FAM184A: variants seen among roughly 807,000 people sequenced by gnomAD.
FAM184A encodes the protein family with sequence similarity 184 member A.
FAM184A carries 99 observed loss-of-function variants against 143.8 expected under a neutral mutation model. That is an observed-to-expected ratio of 0.69 (90% CI 0.58 to 0.81). The LOEUF is 0.81. Ranked by LOEUF, FAM184A falls within the 40% of genes least tolerant of loss-of-function variation. FAM184A has a pLI of 0.00. For synonymous variants in FAM184A, 427 were observed against 446.4 expected (o/e 0.96, Z 0.55); for missense variants, 1,217 against 1,310.5 (o/e 0.93, Z 1.10).
intron 14 of FAM184A, among the ~76,000 whole-genome samples, chr6:118,972,654 C>G (rs1783730751): frequency 2.0e-5 from 3 of 152,136 alleles, no homozygotes; most frequent in Admixed American, 2.0e-4. Context: ...ACTGAAGATT[C>G]ATAATGTGCA....
intron 1 of FAM184A, among the ~76,000 whole-genome samples, chr6:119,103,786 G>A (rs9320677): frequency 0.63 from 95,987 of 151,294 alleles, 31,104 homozygotes; most frequent in East Asian, 0.96. Flanking sequence ...AATTAGCCAG[G>A]CATGGTGGCA....
chr6:119,094,782 G>A (rs775053428), intron 1 of FAM184A, among the ~76,000 whole-genome samples: 19 of 152,106 alleles, frequency 1.2e-4, no homozygotes, highest in Non-Finnish European at 2.5e-4. Context: ...AAAAAAGGAG[G>A]GGATGTTATT....
At chr6:119,110,563 T>C (rs1300382537) in intron 1 of FAM184A, among the ~76,000 whole-genome samples, 3 of 151,964 alleles carry the variant, frequency 2.0e-5, no homozygotes. Context: ...GATAGACAAC[T>C]AGCAGGGTCT....
Position 119,006,591 on chromosome 6 carries a change from A to G in FAM184A, c.1671T>C (p.Asp557=), listed in dbSNP as rs996985529. ...GACCTTGTTCACTTTTCCTTACCATATCTTGGAGGTGGCCAATCTGTAAGT... is the reference window on the plus strand; with the variant it reads ...GACCTTGTTCACTTTTCCTTACCATGTCTTGGAGGTGGCCAATCTGTAAGT... ...TANQEIGHLQ[D]MVRKSEQGLG... is the part of the protein sequence containing the mutation. Residue 557 remains aspartate (D), a synonymous_variant, in exon 7 of 18, where the codon GAT becomes GAC. Transcript: ENST00000338891. The G allele has an allele frequency of 5.0e-6, 8 of 1,612,052 alleles. No homozygotes were observed. Among genetic ancestry groups the G allele is most frequent in the Non-Finnish European group, 5.9e-6 (7 of 1,179,218 alleles).
intron 1 of FAM184A, among the ~76,000 whole-genome samples, chr6:119,053,818 A>G (rs1786854963): frequency 6.6e-6 from 1 of 152,234 alleles, no homozygotes; most frequent in Admixed American, 6.5e-5. Context: ...TGTTTTTAAG[A>G]ATTCTGAAAC....
intron 1 of FAM184A, among the ~76,000 whole-genome samples, chr6:119,100,465 G>A (rs556889826): frequency 5.1e-4 from 77 of 152,216 alleles, no homozygotes; most frequent in Admixed American, 2.2e-3. Flanking sequence ...TTAACTCCCT[G>A]AGAGCTCTCA....
intron 1 of FAM184A, among the ~76,000 whole-genome samples, chr6:119,142,176 C>T (rs987674065): frequency 2.0e-5 from 3 of 152,092 alleles, no homozygotes; most frequent in Non-Finnish European, 4.4e-5. Flanking sequence ...AGGACTCGGG[C>T]GAACATCTGA....
intron 1 of FAM184A, among the ~76,000 whole-genome samples, chr6:119,089,836 G>A (rs1788324366): frequency 6.6e-6 from 1 of 152,094 alleles, no homozygotes; most frequent in Non-Finnish European, 1.5e-5. Context: ...CTTGCTATGT[G>A]CTTCTTTCTC....
At position 119,078,579 on chromosome 6, in the gene FAM184A, C is replaced by A; in HGVS notation, c.-280G>T. On this transcript the variant is annotated 5_prime_UTR_variant, in exon 1 of 18. Transcript: ENST00000338891. The surrounding 1 kb of genome is among the most constrained non-coding windows in gnomAD (Gnocchi z 5.5). Reference sequence around the variant, plus strand: ...GGGGCCGGGCCAGCTCTTGGAGGCTCCTCGGCCCGCGCCTGGCGGAGGCGT... The same window carrying A: ...GGGGCCGGGCCAGCTCTTGGAGGCTACTCGGCCCGCGCCTGGCGGAGGCGT... The A allele has an allele frequency of 3.9e-6, 1 of 256,188 alleles. No homozygotes were observed. Among genetic ancestry groups the A allele is most frequent in the Non-Finnish European group, 7.4e-6 (1 of 135,484 alleles). 15.9% of individuals were successfully genotyped at this position (256,188 alleles called of 1,614,324 possible).
At chr6:119,007,252 T>G (rs989889368) in intron 6 of FAM184A, among the ~76,000 whole-genome samples, 1 of 152,168 alleles carries the variant, frequency 6.6e-6, no homozygotes, top group Non-Finnish European at 1.5e-5. Context: ...TTTAGGACAA[T>G]GCTATAAAGT....
chr6:119,026,902 T>A (rs1785653282), intron 1 of FAM184A, among the ~76,000 whole-genome samples: 2 of 152,162 alleles, frequency 1.3e-5, no homozygotes, highest in Admixed American at 1.3e-4. Flanking sequence ...CTGTAGAGAA[T>A]CTCCTTCCCA....
intron 7 of FAM184A, 77 bp from the exon 8 acceptor site, chr6:119,003,699 C>T: frequency 7.2e-7 from 1 of 1,388,786 alleles, no homozygotes; most frequent in Non-Finnish European, 9.5e-7. Context: ...AAGTAAAGTG[C>T]TTGTATTAAA....
intron 1 of FAM184A, among the ~76,000 whole-genome samples, chr6:119,099,817 A>G (rs2114832553): frequency 6.6e-6 from 1 of 152,230 alleles, no homozygotes; most frequent in Non-Finnish European, 1.5e-5. Flanking sequence ...CACCCTATGC[A>G]TCTCTTCATC....
chr6:119,091,535 G>T (rs1463012493), intron 1 of FAM184A, among the ~76,000 whole-genome samples: 1 of 152,160 alleles, frequency 6.6e-6, no homozygotes, highest in African/African-American at 2.4e-5. Flanking sequence ...TGCCCATGTT[G>T]TCTTGTTGTG....
chr6:119,070,119 A>G (rs1011794764), intron 1 of FAM184A, among the ~76,000 whole-genome samples: 1 of 152,150 alleles, frequency 6.6e-6, no homozygotes, highest in African/African-American at 2.4e-5. Context: ...TTGTTTTTCC[A>G]TGTACTATAG....
At chr6:119,068,049 T>G (rs1327745415) in intron 1 of FAM184A, among the ~76,000 whole-genome samples, 3 of 2,174 alleles carry the variant, frequency 1.4e-3, no homozygotes, top group African/African-American at 4.8e-3. Context: ...GTGTGTGGGT[T>G]TTTTTTTTTT....
intron 5 of FAM184A, among the ~76,000 whole-genome samples, chr6:119,011,977 A>AT (rs1562472585): frequency 6.6e-6 from 1 of 152,242 alleles, no homozygotes; most frequent in Non-Finnish European, 1.5e-5. Context: ...GCCCTTAATA[A>AT]GCTCATGGTA....
intron 5 of FAM184A, among the ~76,000 whole-genome samples, chr6:119,013,786 C>T (rs1242799738): frequency 6.6e-6 from 1 of 152,188 alleles, no homozygotes; most frequent in Non-Finnish European, 1.5e-5. Flanking sequence ...AGTCATGTCA[C>T]AAAAGGAAAG....
chr6:119,098,339 C>A (rs1479749067), intron 1 of FAM184A, among the ~76,000 whole-genome samples: 2 of 152,120 alleles, frequency 1.3e-5, no homozygotes, highest in African/African-American at 4.8e-5. Context: ...TCGAGTATGT[C>A]TTTATCAGTG....
Sources: gnomAD v4.1 joint callset for allele counts (sites outside exome capture counted in the v4.1 genomes callset) on GRCh38, gnomAD v4.1.1 for gene constraint, Gnocchi (gnomAD v3.1) non-coding constraint, MANE v1.5 for transcripts, NCBI Gene and HGNC (gene_info 2026-07-23, HGNC 2026-07-21) for gene names.